The following TMEM67 variants were observed in gnomAD, a reference collection of about 807,000 sequenced individuals.
TMEM67 encodes transmembrane protein 67.
A neutral mutation model predicts 136.6 loss-of-function variants in TMEM67; 124 were observed. That is an observed-to-expected ratio of 0.91 (90% CI 0.78 to 1.05). The LOEUF (loss-of-function observed/expected upper bound fraction) is 1.05, where lower values mean the gene tolerates loss of function less well. Among genes scored for constraint, TMEM67 ranks in the 50% least tolerant of loss-of-function variants. The probability of loss-of-function intolerance (pLI) is 0.00; values close to 1 mark genes in which losing one functional copy is unlikely to be tolerated. For missense variants in TMEM67, 1,107 were observed against 1,178.4 expected (o/e 0.94, Z 0.89); for synonymous variants, 364 against 390.5 (o/e 0.93, Z 0.80).
intron 6 of TMEM67, among the ~76,000 whole-genome samples, chr8:93,771,952 C>G (rs1266022756): frequency 1.3e-5 from 2 of 152,206 alleles, no homozygotes; most frequent in Non-Finnish European, 2.9e-5. Flanking sequence ...ACGATTTTCT[C>G]TGAATGGTGC....
rs762843160 is a variant in TMEM67, at chr8:93,759,653, G to GT, written c.406+1090dup. Reference sequence around the variant, plus strand: ...TTTTTTAATTTTAATTTTTATTTTTGTTTTTTTTTTTTTGAGACAGAGTTT... The same window carrying GT: ...TTTTTTAATTTTAATTTTTATTTTTGTTTTTTTTTTTTTTGAGACAGAGTTT... On this transcript the variant is annotated intron_variant, in intron 3 of 27. Coordinates refer to ENST00000453321, the MANE Select transcript of TMEM67 (RefSeq NM_153704.6). 0.027 allele frequency among the ~76,000 whole-genome samples: 3,699 copies of GT among 138,184 alleles called. 100 individuals are homozygous for GT. Among genetic ancestry groups the GT allele is most frequent in the African/African-American group, 0.076 (2,870 of 37,948 alleles). The allele number at this position is 138,184 out of a possible 152,430, so 90.7% of individuals were successfully genotyped here.
Position 93,799,743 on chromosome 8 carries a change from C to T in TMEM67, c.2226C>T (p.Ala742=). The T allele has an allele frequency of 6.2e-7, 1 of 1,613,550 alleles. No individual in the cohort carries two copies. Among genetic ancestry groups the T allele is most frequent in the Non-Finnish European group, 8.5e-7 (1 of 1,179,682 alleles). ...RYAVSAALWL[A]IGIIQVVFFA... is the part of the protein sequence containing the mutation. ...CAGTGTCTGCTGCTCTTTGGCTAGC[C>T]ATTGGAATTATACAGGTAAGGAATT... The change falls in exon 21 of 28, where the codon GCC becomes GCT. Residue 742 remains alanine, a synonymous_variant. Coordinates refer to ENST00000453321, the MANE Select transcript of TMEM67 (RefSeq NM_153704.6).
At chr8:93,775,385 T>A (rs1361207079) in intron 7 of TMEM67, among the ~76,000 whole-genome samples, 1 of 152,250 alleles carries the variant, frequency 6.6e-6, no homozygotes, top group Non-Finnish European at 1.5e-5. Flanking sequence ...TTTTGGCTTT[T>A]GTTGCCATTG....
intron 2 of TMEM67, 76 bp from the exon 3 acceptor site, chr8:93,758,407 G>A: frequency 9.2e-7 from 1 of 1,088,222 alleles, no homozygotes; most frequent in South Asian, 1.3e-5. Flanking sequence ...ATACTCTTAT[G>A]GCATTTTGAA....
chr8:93,820,455 A>G (rs1809025950), downstream of TMEM67, among the ~76,000 whole-genome samples: 1 of 152,128 alleles, frequency 6.6e-6, no homozygotes, highest in Non-Finnish European at 1.5e-5. Flanking sequence ...CCTTGGCTGC[A>G]TGTTGTGGTT....
chr8:93,813,872 G>C (rs1808796348), intron 26 of TMEM67, among the ~76,000 whole-genome samples: 1 of 152,114 alleles, frequency 6.6e-6, no homozygotes. Context: ...CACCAAGAGA[G>C]AGCATGTAAA....
chr8:93,769,363 C>T (rs1359544736), intron 6 of TMEM67, among the ~76,000 whole-genome samples: 1 of 152,220 alleles, frequency 6.6e-6, no homozygotes, highest in African/African-American at 2.4e-5. Context: ...CCACATACTG[C>T]CCAAGGGCAG....
At chr8:93,795,369 G>T in intron 16 of TMEM67, 40 bp from the exon 17 acceptor site, 1 of 1,511,292 alleles carries the variant, frequency 6.6e-7, no homozygotes, top group Non-Finnish European at 9.2e-7. Flanking sequence ...GTATATACAT[G>T]GAGTCTTAAA....
intron 21 of TMEM67, among the ~76,000 whole-genome samples, chr8:93,803,322 CTT>C (rs1158543324): frequency 5.3e-5 from 8 of 152,184 alleles, no homozygotes; most frequent in East Asian, 1.9e-4. Flanking sequence ...TTTTAAAAGA[CTT>C]TTTCTTTCTT....
At chr8:93,771,273 T>C (rs1224296411) in intron 6 of TMEM67, among the ~76,000 whole-genome samples, 1 of 152,024 alleles carries the variant, frequency 6.6e-6, no homozygotes, top group Non-Finnish European at 1.5e-5. Flanking sequence ...AAAAAAAGCT[T>C]TATTATGAAC....
At chr8:93,774,286 A>G (rs913650150) in intron 7 of TMEM67, among the ~76,000 whole-genome samples, 1 of 152,234 alleles carries the variant, frequency 6.6e-6, no homozygotes, top group Non-Finnish European at 1.5e-5. Flanking sequence ...AAGTGCTGGG[A>G]TTACAGGCGT....
chr8:93,772,442 G>T, intron 6 of TMEM67, 147 bp from the exon 7 acceptor site: 1 of 623,350 alleles, frequency 1.6e-6, no homozygotes, highest in Non-Finnish European at 2.9e-6. Flanking sequence ...TATAATAACT[G>T]ACATTGGTTA....
intron 26 of TMEM67, among the ~76,000 whole-genome samples, chr8:93,813,058 C>A (rs1489530043): frequency 2.0e-5 from 3 of 151,818 alleles, no homozygotes; most frequent in African/African-American, 7.3e-5. Context: ...ATAATACAAT[C>A]ATCACCTTCT....
chr8:93,780,800 A>G (rs1449808847), intron 8 of TMEM67, 53 bp downstream of exon 8: 32 of 1,603,152 alleles, frequency 2.0e-5, no homozygotes, highest in Non-Finnish European at 1.9e-5. Flanking sequence ...CAGTGCAGTT[A>G]TTAATATATT....
At chr8:93,819,428 T>C (rs139472677), downstream of TMEM67, among the ~76,000 whole-genome samples, 1 of 152,158 alleles carries the variant, frequency 6.6e-6, no homozygotes, top group Non-Finnish European at 1.5e-5. Context: ...TGGAGTATTG[T>C]CTCTGGGAGG....
Position 93,809,877 on chromosome 8 carries a change from C to G in TMEM67, c.2754C>G (p.Ile918Met). 1 of 1,595,392 alleles carries G rather than the reference C, an allele frequency of 6.3e-7. No individual in the cohort carries two copies. Among genetic ancestry groups the G allele is most frequent in the Non-Finnish European group, 8.6e-7 (1 of 1,163,822 alleles). Residue 918 changes from isoleucine to methionine, a missense_variant, in exon 26 of 28, where the codon ATC (isoleucine) becomes ATG (methionine). By Grantham distance (10) the Ile-to-Met change is conservative. Around this residue, in one of 3 missense-constraint regions of TMEM67, gnomAD observed 925 missense variants for 1,002.4 expected, o/e 0.92. Coordinates refer to ENST00000453321, the MANE Select transcript of TMEM67 (RefSeq NM_153704.6). ...TCATGGAACCAATGGAAAAAAGCAT[C>G]TTTTACAATGGTATCTTCTAAATCC... ...MEFMEPMEKS[I>M]FYNDEGYSFS... is the part of the protein sequence containing the mutation.
chr8:93,801,791 A>G (rs1171377538), intron 21 of TMEM67, among the ~76,000 whole-genome samples: 1 of 152,208 alleles, frequency 6.6e-6, no homozygotes, highest in African/African-American at 2.4e-5. Context: ...CTTATTTTAA[A>G]TTGATGAGAC....
Position 93,809,827 on chromosome 8 carries a change from C to CTT in TMEM67, c.2705_2706dup (p.Glu903LeufsTer58). 1 of 1,608,316 alleles carries CTT rather than the reference C, an allele frequency of 6.2e-7. No individual in the cohort carries two copies. Among genetic ancestry groups the CTT allele is most frequent in the South Asian group, 1.1e-5 (1 of 90,642 alleles). ...TTACTTTATAAAAGATAAGTTGCTTCTTGAAAGAATTCTTGGAATGGAATT... is the reference window on the plus strand; with the variant it reads ...TTACTTTATAAAAGATAAGTTGCTTCTTTTGAAAGAATTCTTGGAATGGAATT... On this transcript the variant is annotated frameshift_variant, in exon 26 of 28. Transcript: ENST00000453321. LOFTEE classifies it high-confidence loss of function.
chr8:93,778,555 G>A (rs1219393301), intron 7 of TMEM67, among the ~76,000 whole-genome samples: 1 of 152,160 alleles, frequency 6.6e-6, no homozygotes, highest in Non-Finnish European at 1.5e-5. Flanking sequence ...GCCTGGTGGT[G>A]TCAAAATCTC....
Sources: allele counts gnomAD v4.1 joint callset (sites outside exome capture counted in the v4.1 genomes callset), GRCh38; gene constraint gnomAD v4.1.1; regional missense constraint gnomAD v4.1.1; transcripts MANE v1.5; gene names NCBI Gene and HGNC (gene_info 2026-07-23, HGNC 2026-07-21).